PLEKHH3: variants seen among roughly 807,000 people sequenced by gnomAD.
PLEKHH3 encodes the protein pleckstrin homology, MyTH4 and FERM domain containing H3.
PLEKHH3 carries 57 observed loss-of-function variants against 77.8 expected under a neutral mutation model. The observed-to-expected ratio is 0.73, with a 90% confidence interval of 0.59 to 0.91. The LOEUF is 0.91. Among genes scored for constraint, PLEKHH3 ranks in the 40% least tolerant of loss-of-function variants. PLEKHH3 has a pLI of 0.00. For missense variants in PLEKHH3, 1,082 were observed against 1,091.2 expected, an observed-to-expected ratio of 0.99 and a Z score of 0.12; for synonymous variants, 467 against 504.8, an observed-to-expected ratio of 0.93 and a Z score of 1.00.
chr17:42,673,613 G>A (rs2052752682), intron 4 of PLEKHH3, 30 bp downstream of exon 4: 1 of 1,596,216 alleles, frequency 6.3e-7, no homozygotes, highest in Non-Finnish European at 8.5e-7. Flanking sequence ...CCCTGCCTAG[G>A]AAGGTAGGAG....
chr17:42,671,629 C>G lies in PLEKHH3; in HGVS notation c.1077-71G>C. On this transcript the variant is annotated intron_variant, in intron 7 of 12. Coordinates refer to ENST00000591022, the MANE Select transcript of PLEKHH3 (RefSeq NM_024927.5). The surrounding 1 kb of genome is among the most constrained non-coding windows in gnomAD (Gnocchi z 4.7). ...CTCCCCCTCCCTCTTGCCTGCTTCT[C>G]TTATAGTTTATTTTATCTAGCCGAT... The G allele has an allele frequency of 6.9e-7, 1 of 1,446,220 alleles. No homozygotes were observed. The allele number at this position is 1,446,220 out of a possible 1,614,324, so 89.6% of individuals were successfully genotyped here.
chr17:42,670,458 AG>A, intron 10 of PLEKHH3, 82 bp from the exon 11 acceptor site: 1 of 1,512,390 alleles, frequency 6.6e-7, no homozygotes, highest in Non-Finnish European at 8.8e-7. Context: ...GAGCAGGTCT[AG>A]GTTCCAGTCA....
intron 11 of PLEKHH3, 24 bp from the exon 12 acceptor site, chr17:42,669,645 G>T: frequency 6.3e-7 from 1 of 1,589,922 alleles, no homozygotes; most frequent in South Asian, 1.1e-5. Flanking sequence ...GGCAGAGTCA[G>T]GGTGGAAGGA....
chr17:42,670,414 G>T (rs1237001078), intron 10 of PLEKHH3, 38 bp from the exon 11 acceptor site: 1 of 1,459,470 alleles, frequency 6.9e-7, no homozygotes, highest in East Asian at 2.5e-5. Flanking sequence ...TACGAGCGGC[G>T]GCGGAACCGT....
rs1597789313 is a variant in PLEKHH3 at position 42,670,698 on chromosome 17, C to A, written c.1429G>T (p.Ala477Ser). 6.2e-7 allele frequency: 1 copy of A among 1,612,212 alleles called. No individual in the cohort carries two copies. The highest frequency in any genetic ancestry group is 8.5e-7 in the Non-Finnish European group (1 of 1,179,300). The change falls in exon 10 of 13, where the codon GCG becomes TCG. Residue 477 changes from alanine (A) to serine (S), a missense_variant. Physicochemically the swap from Ala to Ser is moderately conservative, Grantham distance 99. Around this residue, in one of 3 missense-constraint regions of PLEKHH3, gnomAD observed 733 missense variants for 750.0 expected, o/e 0.98. Coordinates refer to ENST00000591022, the MANE Select transcript of PLEKHH3 (RefSeq NM_024927.5). ...DVLTRFENLA[A>S]EEAGLEDSPD... ...GAGTCCTCCAACCCAGCTTCCTCCG[C>A]GGCCAAGCTGCAGAAGAGGAGCGGA...
chr17:42,669,661 C>A lies in PLEKHH3; in HGVS notation c.2014-40G>T, dbSNP rs577912097. On this transcript the variant is annotated intron_variant, in intron 11 of 12. Transcript: ENST00000591022. ...GCAGAGTCAGGGTGGAAGGAGGAGC[C>A]CAGCGTTATTTTTGGTAGGGGGAGA... 46 of 1,573,438 alleles carry A rather than the reference C, an allele frequency of 2.9e-5. No individual in the cohort carries two copies. In the South Asian group the frequency reaches 3.2e-4, roughly 11 times the overall value.
intron 2 of PLEKHH3, 152 bp from the exon 3 acceptor site, chr17:42,674,165 G>A: frequency 9.1e-7 from 1 of 1,098,210 alleles, no homozygotes; most frequent in South Asian, 1.6e-5. Context: ...CCTCGAACCA[G>A]AAATAGCCCC....
chr17:42,671,479 T>C lies in PLEKHH3; in HGVS notation c.1156A>G (p.Arg386Gly). The change falls in exon 8 of 13, where the codon AGA (arginine) becomes GGA (glycine). Residue 386 changes from arginine to glycine, a missense_variant. Around this residue, in one of 3 missense-constraint regions of PLEKHH3, gnomAD observed 733 missense variants for 750.0 expected, o/e 0.98. Coordinates refer to ENST00000591022, the MANE Select transcript of PLEKHH3 (RefSeq NM_024927.5). The surrounding 1 kb of genome is among the most constrained non-coding windows in gnomAD (Gnocchi z 4.7). Reference protein sequence around the residue: ...IRKALGRTRGRELVPSLAEIS... With the variant: ...IRKALGRTRGGELVPSLAEIS... ...TCCGCCAGCGAGGGCACCAGCTCTC[T>C]GCCGCGCGTCCGGCCCAGCGCTTTC... The C allele has an allele frequency of 6.2e-7, 1 of 1,613,148 alleles. No individual in the cohort carries two copies. The highest frequency in any genetic ancestry group is 8.5e-7 in the Non-Finnish European group (1 of 1,179,996).
At position 42,673,972 on chromosome 17, in the gene PLEKHH3, T is replaced by C; in HGVS notation, c.260A>G (p.Lys87Arg). ...WEETWSLIPE[K>R]GLPEDDPDIV... ...GTCCGGGTCGTCCTCCGGCAGCCCT[T>C]TCTCCGGGATGAGGCTCCAAGTCTC... Residue 87 changes from lysine to arginine, a missense_variant, in exon 3 of 13, where the codon AAA becomes AGA. Lys to Arg is a conservative substitution (Grantham distance 26, BLOSUM62 2). This residue lies in a region of PLEKHH3 where 344 missense variants were observed against 320.8 expected (regional missense o/e 1.07). Coordinates refer to ENST00000591022, the MANE Select transcript of PLEKHH3 (RefSeq NM_024927.5). The C allele has an allele frequency of 6.2e-7, 1 of 1,613,416 alleles. No individual in the cohort carries two copies. The highest frequency in any genetic ancestry group is 8.5e-7 in the Non-Finnish European group (1 of 1,179,884).
Position 42,673,526 on chromosome 17 carries a change from T to G in PLEKHH3, c.521A>C (p.Lys174Thr). 6.3e-7 allele frequency: 1 copy of G among 1,599,672 alleles called. No homozygotes were observed. Among genetic ancestry groups the G allele is most frequent in the Non-Finnish European group, 8.5e-7 (1 of 1,174,228 alleles). ...GLWSVTVSGRKHSVRLCSPRQ... is the reference protein window; with the variant it reads ...GLWSVTVSGRTHSVRLCSPRQ... Reference sequence around the variant, plus strand: ...TGGGGAGCAGAGGCGGACACTGTGTTTCCGACCAGACACAGTCACTGACCA... The same window carrying G: ...TGGGGAGCAGAGGCGGACACTGTGTGTCCGACCAGACACAGTCACTGACCA... Residue 174 changes from lysine to threonine, a missense_variant, in exon 5 of 13, where the codon AAA (lysine) becomes ACA (threonine). Transcript: ENST00000591022.
rs183467183 is a variant in PLEKHH3, at chr17:42,675,501, T to C, written c.162+901A>G. Among the ~76,000 whole-genome samples, 959 of 152,218 alleles carry C rather than the reference T, an allele frequency of 6.3e-3. 5 individuals carry two copies. The highest frequency in any genetic ancestry group is 0.024 in the Middle Eastern group (7 of 294). ...GCTAACTCCCCTAATCGCAGTGCCC[T>C]GCTTCCCTCCCTCCCCCCTCCTCTA... On this transcript the variant is annotated intron_variant, in intron 1 of 12. Transcript: ENST00000591022.
Position 42,673,253 on chromosome 17 carries a change from C to T in PLEKHH3, c.692G>A (p.Arg231Lys), listed in dbSNP as rs2143589674. The T allele has an allele frequency of 6.3e-7, 1 of 1,594,534 alleles. No individual in the cohort carries two copies. Among genetic ancestry groups the T allele is most frequent in the Admixed American group, 1.9e-5 (1 of 53,542 alleles). ...ACTAGTGTGTCTCAGAATCGGGTTC[C>T]TCAGGTAAATGAGGGCAACGGCCTC... ...DPEAVALIYL[R>K]NPILRHTSGA... The change falls in exon 6 of 13, where the codon AGG (arginine) becomes AAG (lysine). Residue 231 changes from arginine (R) to lysine (K), a missense_variant. Coordinates refer to ENST00000591022, the MANE Select transcript of PLEKHH3 (RefSeq NM_024927.5).
Position 42,672,374 on chromosome 17 carries a change from AG to A in PLEKHH3, c.787del (p.Leu263CysfsTer24). ...GAACAGCCGCACCGCCTCCTCGCGC[AG>A]GGGTGCATAGCCCGGACCTGTGGGA... The part of the protein sequence containing the change: ...VSAPGPGYAP[L>X]REEAVRLFLA... On this transcript the variant is annotated frameshift_variant, in exon 7 of 13. Coordinates refer to ENST00000591022, the MANE Select transcript of PLEKHH3 (RefSeq NM_024927.5). LOFTEE classifies it high-confidence loss of function. The A allele has an allele frequency of 6.5e-7, 1 of 1,531,762 alleles. No individual in the cohort carries two copies. 94.9% of individuals were successfully genotyped at this position (1,531,762 alleles called of 1,614,324 possible). A position where few individuals can be genotyped will look rare whatever the true frequency, so the allele number is the denominator to read the frequency against.
chr17:42,676,172 G>GC lies in PLEKHH3; in HGVS notation c.162+229dup. ...CGCGTGACGCCTCCCCTGCCTCAGG[G>GC]CCCCCAGCAGGTGGATAGCGCCCAG... On this transcript the variant is annotated intron_variant, in intron 1 of 12. Transcript: ENST00000591022. This position sits in a 1 kb window ranked among gnomAD's most constrained non-coding sequence, Gnocchi z 6.6. The GC allele has an allele frequency of 7.2e-7, 1 of 1,382,048 alleles. No individual in the cohort carries two copies. Among genetic ancestry groups the GC allele is most frequent in the Non-Finnish European group, 9.4e-7 (1 of 1,065,900 alleles). The allele number at this position is 1,382,048 out of a possible 1,614,324, so 85.6% of individuals were successfully genotyped here.
chr17:42,672,240 G>T lies in PLEKHH3; in HGVS notation c.922C>A (p.Leu308Met). ...PALRDELFLQLAKQTSGPAGP... is the reference protein window; with the variant it reads ...PALRDELFLQMAKQTSGPAGP... ...GCAGGGCCCGAGGTCTGCTTAGCCA[G>T]CTGCAGGAAGAGTTCATCCCGGAGC... The change falls in exon 7 of 13, where the codon CTG becomes ATG. Residue 308 changes from leucine (L) to methionine (M), a missense_variant. Leu to Met is a conservative substitution (Grantham distance 15, BLOSUM62 2). Around this residue, in one of 3 missense-constraint regions of PLEKHH3, gnomAD observed 733 missense variants for 750.0 expected, o/e 0.98. Transcript: ENST00000591022. 1 of 1,551,220 alleles carries T rather than the reference G, an allele frequency of 6.4e-7. No individual in the cohort carries two copies. The highest frequency in any genetic ancestry group is 8.7e-7 in the Non-Finnish European group (1 of 1,147,142).
rs2052672171 is a variant in PLEKHH3 at position 42,670,573 on chromosome 17, C to G, written c.1554G>C (p.Gln518His). The G allele has an allele frequency of 6.2e-7, 1 of 1,606,848 alleles. No individual in the cohort carries two copies. Among genetic ancestry groups the G allele is most frequent in the East Asian group, 2.2e-5 (1 of 44,678 alleles). Residue 518 changes from glutamine to histidine, a missense_variant and splice_region_variant, in exon 10 of 13, where the codon CAG becomes CAC. Gln to His is a conservative substitution (Grantham distance 24). This residue lies in a region of PLEKHH3 where 733 missense variants were observed against 750.0 expected (regional missense o/e 0.98). Coordinates refer to ENST00000591022, the MANE Select transcript of PLEKHH3 (RefSeq NM_024927.5). ...AGGCGTGAACGCCGGAGAGCCTCAC[C>G]TGCTCAAAGAGGAAAGGCAGTTCGT... ...DGHELPFLFE[Q>H]AHALLLRGRP...
chr17:42,671,973 C>T lies in PLEKHH3; in HGVS notation c.1076+113G>A. 1 of 869,562 alleles carries T rather than the reference C, an allele frequency of 1.2e-6. No individual in the cohort carries two copies. Among genetic ancestry groups the T allele is most frequent in the South Asian group, 1.9e-5 (1 of 52,230 alleles). The allele number at this position is 869,562 out of a possible 1,614,324, so 53.9% of individuals were successfully genotyped here. On this transcript the variant is annotated intron_variant, in intron 7 of 12. Transcript: ENST00000591022. The surrounding 1 kb of genome is among the most constrained non-coding windows in gnomAD (Gnocchi z 4.7). ...GGATCTTGTATCTCCCACAAAGGCA[C>T]TGTATGTATTACTCGGTTCTTTACC...
rs557080500 is a variant in PLEKHH3 at position 42,674,062 on chromosome 17, G to C, written c.219-49C>G. 4.4e-6 allele frequency: 7 copies of C among 1,586,348 alleles called. No individual in the cohort carries two copies. The East Asian group carries it at 1.4e-4, about 31-fold the overall frequency. On this transcript the variant is annotated intron_variant, in intron 2 of 12. Coordinates refer to ENST00000591022, the MANE Select transcript of PLEKHH3 (RefSeq NM_024927.5). ...TGGGTCTCCACTCTGCCTCTAGGGG[G>C]CTCCTCTGTAGGGGCTCCCCAGACC...
Position 42,673,798 on chromosome 17 carries a change from C to A in PLEKHH3, c.335G>T (p.Arg112Leu). Residue 112 changes from arginine to leucine, a missense_variant, in exon 4 of 13, where the codon CGG (arginine) becomes CTG (leucine). This residue lies in a region of PLEKHH3 where 344 missense variants were observed against 320.8 expected (regional missense o/e 1.07). Transcript: ENST00000591022. ...GGCTCGGCGCGGGGGCAGCCAGGGC[C>A]GCGCCCCTCCTCCGCGGGGCTCCCG... is the stretch of plus-strand genomic sequence containing the variant. ...LYREPRGGGA[R>L]PWLPPRRAWF... is the part of the protein sequence containing the mutation. The A allele has an allele frequency of 6.3e-7, 1 of 1,588,964 alleles. No individual in the cohort carries two copies. Among genetic ancestry groups the A allele is most frequent in the South Asian group, 1.1e-5 (1 of 89,948 alleles).
Sources: allele counts gnomAD v4.1 joint callset (sites outside exome capture counted in the v4.1 genomes callset), GRCh38; gene constraint gnomAD v4.1.1; regional missense constraint gnomAD v4.1.1; non-coding constraint Gnocchi (gnomAD v3.1); transcripts MANE v1.5; gene names NCBI Gene and HGNC (gene_info 2026-07-23, HGNC 2026-07-21).